Variants in CRYZ observed in about 807,000 individuals in gnomAD.
CRYZ encodes crystallin zeta.
In CRYZ, 35 loss-of-function variants were observed where a neutral mutation model predicts 34.1. That is an observed-to-expected ratio of 1.03 (90% CI 0.78 to 1.36). The LOEUF (loss-of-function observed/expected upper bound fraction) is 1.36. Among genes scored for constraint, CRYZ ranks in the 40% most tolerant of loss-of-function variants. CRYZ has a pLI of 0.00. For synonymous variants in CRYZ, 137 were observed against 136.5 expected (o/e 1.00, Z -0.03); for missense variants, 403 against 391.8 (o/e 1.03, Z -0.24).
intron 5 of CRYZ, among the ~76,000 whole-genome samples, chr1:74,711,166 G>C (rs1356362546): frequency 2.0e-5 from 3 of 152,170 alleles, no homozygotes; most frequent in Non-Finnish European, 4.4e-5. Flanking sequence ...CGAAGATGAG[G>C]CCAGAAAGGC....
chr1:74,727,761 C>T (rs917887223), intron 1 of CRYZ, among the ~76,000 whole-genome samples: 2 of 151,680 alleles, frequency 1.3e-5, no homozygotes, highest in Admixed American at 6.6e-5. Flanking sequence ...TCCCATGACA[C>T]GTGGGAATTA....
Position 74,723,147 on chromosome 1 carries a change from C to G in CRYZ, c.235G>C (p.Ala79Pro). 1 of 1,613,258 alleles carries G rather than the reference C, an allele frequency of 6.2e-7. No homozygotes were observed. ...PGSDVAGVIE[A>P]VGDNASAFKK... Reference sequence around the variant, plus strand: ...AAAGCAGATGCATTATCTCCAACAGCTTCTATCACCCCAGCCACATCTGAG... The same window carrying G: ...AAAGCAGATGCATTATCTCCAACAGGTTCTATCACCCCAGCCACATCTGAG... The change falls in exon 3 of 9, where the codon GCT becomes CCT. Residue 79 changes from alanine to proline, a missense_variant. Coordinates refer to ENST00000340866, the MANE Select transcript of CRYZ (RefSeq NM_001889.4).
intron 1 of CRYZ, among the ~76,000 whole-genome samples, chr1:74,729,313 G>A (rs1008930473): frequency 2.0e-5 from 3 of 151,826 alleles, no homozygotes; most frequent in Non-Finnish European, 2.9e-5. Flanking sequence ...TGCTAGAGAC[G>A]TGGCAAGCAC....
rs1010362286 is a variant in CRYZ at position 74,706,117 on chromosome 1, A to G, written c.*179T>C. ...GATTTGAGACAGATGGCATAAAAAA[A>G]TATTGCTAGCTATACAATAAATTTT... On this transcript the variant is annotated 3_prime_UTR_variant, in exon 9 of 9. Coordinates refer to ENST00000340866, the MANE Select transcript of CRYZ (RefSeq NM_001889.4). The G allele has an allele frequency of 2.0e-6, 1 of 492,056 alleles. No individual in the cohort carries two copies. The highest frequency in any genetic ancestry group is 3.5e-6 in the Non-Finnish European group (1 of 281,804). The allele number at this position is 492,056 out of a possible 1,614,324, so 30.5% of individuals were successfully genotyped here. A position where few individuals can be genotyped will look rare whatever the true frequency, so the allele number is the denominator to read the frequency against.
At chr1:74,719,061 T>A in intron 4 of CRYZ, 148 bp downstream of exon 4, 1 of 765,348 alleles carries the variant, frequency 1.3e-6, no homozygotes. Flanking sequence ...ATTCCCCAAA[T>A]TCACAGTTTC....
chr1:74,722,518 T>C (rs1319582236), intron 3 of CRYZ, among the ~76,000 whole-genome samples: 4 of 151,986 alleles, frequency 2.6e-5, no homozygotes, highest in South Asian at 2.1e-4. Context: ...GGTAAGGTGC[T>C]GCCAAAGTTG....
At chr1:74,706,752 C>T in intron 8 of CRYZ, 147 bp downstream of exon 8, 1 of 691,728 alleles carries the variant, frequency 1.4e-6, no homozygotes, top group Non-Finnish European at 2.6e-6. Context: ...ATACTGTCAC[C>T]CTAGTTGTCC....
At chr1:74,716,195 C>CGT (rs1475271223) in intron 4 of CRYZ, among the ~76,000 whole-genome samples, 4,236 of 147,212 alleles carry the variant, frequency 0.029, 73 homozygotes, top group African/African-American at 0.039. Context: ...AATCTGTGTG[C>CGT]GCGTGTGTGT....
At chr1:74,714,483 A>G in intron 5 of CRYZ, 96 bp downstream of exon 5, 1 of 1,219,708 alleles carries the variant, frequency 8.2e-7, no homozygotes, top group Middle Eastern at 2.0e-4. Flanking sequence ...CTTTGACTCT[A>G]TTTATAAATC....
rs149022203 is a variant in CRYZ at position 74,712,117 on chromosome 1, A to G, written c.481-1870T>C. Among the ~76,000 whole-genome samples, 174 of 152,328 alleles carry G rather than the reference A, an allele frequency of 1.1e-3. 1 individual carries two copies. Among genetic ancestry groups the G allele is most frequent in the African/African-American group, 3.9e-3 (162 of 41,576 alleles). ...GTGCTTAGTATAAAAGAGAAATCAA[A>G]GTAATTTAAGAATATAGACAAAAGA... On this transcript the variant is annotated intron_variant, in intron 5 of 8. Coordinates refer to ENST00000340866, the MANE Select transcript of CRYZ (RefSeq NM_001889.4).
At chr1:74,707,479 T>C in intron 6 of CRYZ, 1 of 216,614 alleles carries the variant, frequency 4.6e-6, no homozygotes, top group South Asian at 1.6e-4. Flanking sequence ...TAGACTCAAC[T>C]TGAGTATAAA....
intron 1 of CRYZ, among the ~76,000 whole-genome samples, chr1:74,725,068 A>C (rs1647266227): frequency 6.6e-6 from 1 of 152,234 alleles, no homozygotes; most frequent in Non-Finnish European, 1.5e-5. Context: ...CAAAGGAATC[A>C]AACATGCAAA....
At chr1:74,709,363 C>T (rs556135529) in intron 6 of CRYZ, among the ~76,000 whole-genome samples, 20 of 152,156 alleles carry the variant, frequency 1.3e-4, no homozygotes, top group African/African-American at 2.2e-4. Flanking sequence ...GTTCCCCAGA[C>T]GTATAACAAA....
intron 4 of CRYZ, among the ~76,000 whole-genome samples, chr1:74,716,433 T>C (rs1211230082): frequency 1.3e-5 from 2 of 152,002 alleles, no homozygotes; most frequent in Non-Finnish European, 2.9e-5. Flanking sequence ...TCCTTTACCA[T>C]CTTCTAGTCA....
intron 5 of CRYZ, among the ~76,000 whole-genome samples, chr1:74,710,782 A>G (rs559104156): frequency 6.6e-6 from 1 of 152,372 alleles, no homozygotes; most frequent in East Asian, 1.9e-4. Context: ...GAATGTTTAT[A>G]GAGTGTTTAC....
intron 4 of CRYZ, among the ~76,000 whole-genome samples, chr1:74,718,078 T>C (rs1647100863): frequency 6.6e-6 from 1 of 152,096 alleles, no homozygotes; most frequent in Non-Finnish European, 1.5e-5. Flanking sequence ...ACAGCTTCCC[T>C]TTGAAACTTT....
chr1:74,729,489 A>AG (rs1476710855), intron 1 of CRYZ, among the ~76,000 whole-genome samples: 2 of 151,482 alleles, frequency 1.3e-5, no homozygotes, highest in African/African-American at 2.4e-5. Context: ...AAAAAAAAAA[A>AG]AAAAAATTAT....
intron 4 of CRYZ, 136 bp from the exon 5 acceptor site, chr1:74,714,766 G>T: frequency 2.8e-6 from 2 of 720,268 alleles, no homozygotes; most frequent in Non-Finnish European, 2.4e-6. Flanking sequence ...CTGACATACA[G>T]CCCCAAATAT....
At chr1:74,717,641 G>C (rs76654996) in intron 4 of CRYZ, among the ~76,000 whole-genome samples, 4,712 of 152,214 alleles carry the variant, frequency 0.031, 246 homozygotes, top group African/African-American at 0.11. Flanking sequence ...CATTATCTAT[G>C]TTTCTCAAAT....
Sources: allele counts gnomAD v4.1 joint callset (sites outside exome capture counted in the v4.1 genomes callset), GRCh38; gene constraint gnomAD v4.1.1; transcripts MANE v1.5; gene names NCBI Gene and HGNC (gene_info 2026-07-23, HGNC 2026-07-21).